MAPK12: variants seen among roughly 807,000 people sequenced by gnomAD.
MAPK12 encodes the protein MAP kinase 12.
A neutral mutation model predicts 49.1 loss-of-function variants in MAPK12; 49 were observed. The ratio of observed to expected loss-of-function variants is 1.00; its 90% CI spans 0.79 to 1.27. The LOEUF is 1.27. Among genes scored for constraint, MAPK12 ranks in the 50% most tolerant of loss-of-function variants. The pLI is 0.00. For missense variants in MAPK12, 554 were observed against 502.4 expected, an observed-to-expected ratio of 1.10 and a Z score of -0.98; for synonymous variants, 251 against 209.7, an observed-to-expected ratio of 1.20 and a Z score of -1.70.
intron 5 of MAPK12, 48 bp downstream of exon 5, chr22:50,256,887 G>C (rs1429611399): frequency 1.3e-6 from 2 of 1,593,864 alleles, no homozygotes; most frequent in Admixed American, 1.7e-5. Context: ...GAGGCGGGGG[G>C]ATTGCACTGG....
At chr22:50,257,860 C>A (rs1386939659) in intron 3 of MAPK12, 1 of 746,658 alleles carries the variant, frequency 1.3e-6, no homozygotes, top group Non-Finnish European at 2.5e-6. Flanking sequence ...TCCTCCCTAC[C>A]GCTTCTCCCC....
intron 2 of MAPK12, among the ~76,000 whole-genome samples, chr22:50,258,794 C>G (rs1294048059): frequency 1.3e-5 from 2 of 152,230 alleles, no homozygotes; most frequent in African/African-American, 2.4e-5. Context: ...GGTCATGTGA[C>G]AACTGCCGCC....
At chr22:50,260,183 C>T (rs1243347996) in intron 2 of MAPK12, among the ~76,000 whole-genome samples, 2 of 151,812 alleles carry the variant, frequency 1.3e-5, no homozygotes, top group East Asian at 1.9e-4. Flanking sequence ...GAAAAAGACC[C>T]ATCCAAGGGG....
At position 50,255,288 on chromosome 22, in the gene MAPK12, G is replaced by A. The variant is rs1240740383; in HGVS notation, c.933C>T (p.Phe311=). ...CATCTTCCGTGTCGTGCAGGGACTC[G>A]AAGTAGGGATGGGCCAGCGCCTCGC... ...TAGEALAHPY[F]ESLHDTEDEP... Residue 311 remains phenylalanine, a synonymous_variant, in exon 11 of 12, where the codon TTC becomes TTT. Coordinates refer to ENST00000215659, the MANE Select transcript of MAPK12 (RefSeq NM_002969.6). 1.9e-5 allele frequency: 31 copies of A among 1,613,600 alleles called. No individual in the cohort carries two copies. Among genetic ancestry groups the A allele is most frequent in the African/African-American group, 8.0e-5 (6 of 74,920 alleles).
intron 9 of MAPK12, 37 bp downstream of exon 9, chr22:50,255,578 G>GGGCCCCCCCCCCCCCCCCGCCCCCCCCCC: frequency 6.3e-7 from 1 of 1,582,032 alleles, no homozygotes; most frequent in African/African-American, 1.4e-5. Context: ...GCCCAGGTCC[G>GGGCCCCCCCCCCCCCCCCGCCCCCCCCCC]CCCCCACCCC....
At chr22:50,258,967 G>C (rs941231994) in intron 2 of MAPK12, among the ~76,000 whole-genome samples, 3 of 152,216 alleles carry the variant, frequency 2.0e-5, no homozygotes, top group Non-Finnish European at 4.4e-5. Context: ...ATACAGGGAG[G>C]GAGGCCAGGT....
At chr22:50,259,690 C>G (rs974747857) in intron 2 of MAPK12, among the ~76,000 whole-genome samples, 13 of 152,048 alleles carry the variant, frequency 8.5e-5, no homozygotes, top group African/African-American at 3.1e-4. Context: ...CGAGACCAGT[C>G]TGCCCAACAT....
chr22:50,256,328 G>A (rs2065150216), intron 6 of MAPK12, 129 bp from the exon 7 acceptor site: 2 of 765,940 alleles, frequency 2.6e-6, no homozygotes, highest in Non-Finnish European at 4.2e-6. Context: ...AACCTTCAAG[G>A]ACTTGAGGCC....
In MAPK12 at chr22:50,258,370, C is replaced by A. The variant is rs371500937; in HGVS notation, c.256-69G>T. On this transcript the variant is annotated intron_variant, in intron 2 of 11. Transcript: ENST00000215659. ...GCTGGGGCACCCCCCAAGAGTGGCA[C>A]AACCCTCTGGGCAGGAAACCCCCTC... is the stretch of plus-strand genomic sequence containing the variant. 448 of 1,352,246 alleles carry A rather than the reference C, an allele frequency of 3.3e-4. 4 individuals are homozygous for A. In the South Asian group the frequency reaches 3.8e-3, roughly 11 times the overall value. The allele number at this position is 1,352,246 out of a possible 1,614,324, so 83.8% of individuals were successfully genotyped here.
chr22:50,256,456 G>T, intron 6 of MAPK12, 143 bp downstream of exon 6: 1 of 1,107,048 alleles, frequency 9.0e-7, no homozygotes, highest in Non-Finnish European at 1.3e-6. Flanking sequence ...ACTGCCTCTT[G>T]GGCTCACCCA....
At chr22:50,257,634 G>C in intron 3 of MAPK12, 1 of 575,800 alleles carries the variant, frequency 1.7e-6, no homozygotes, top group Non-Finnish European at 3.1e-6. Flanking sequence ...TGGGGGCGCG[G>C]CAAGGCATCT....
rs773494776 is a variant in MAPK12, at chr22:50,258,208, C to G, written c.314+35G>C. On this transcript the variant is annotated intron_variant, in intron 3 of 11. Coordinates refer to ENST00000215659, the MANE Select transcript of MAPK12 (RefSeq NM_002969.6). ...CAGTGCCCAGAGCTGCCCAACACCC[C>G]TCGTGCCCAGCGGCCAGCCCAGGTC... The G allele has an allele frequency of 2.5e-6, 4 of 1,609,362 alleles. No individual in the cohort carries two copies. In the Admixed American group the frequency reaches 5.0e-5, roughly 20 times the overall value.
In MAPK12 at chr22:50,255,151, C is replaced by T. The variant is rs1227494811; in HGVS notation, c.1024+46G>A. 13 of 1,608,642 alleles carry T rather than the reference C, an allele frequency of 8.1e-6. No homozygotes were observed. The Admixed American group carries it at 1.5e-4, about 19-fold the overall frequency. ...GGTCCACACAGGCCCTGCCCAGAGC[C>T]CCCCACTTGGGTCCACACAGGCCGT... On this transcript the variant is annotated intron_variant, in intron 11 of 11. Transcript: ENST00000215659.
In MAPK12 at chr22:50,255,669, C is replaced by T; in HGVS notation, c.717G>A (p.Met239Ile). 1 of 1,609,002 alleles carries T rather than the reference C, an allele frequency of 6.2e-7. No homozygotes were observed. Among genetic ancestry groups the T allele is most frequent in the Non-Finnish European group, 8.5e-7 (1 of 1,178,954 alleles). The change falls in exon 9 of 12, where the codon ATG becomes ATA. Residue 239 changes from methionine (M) to isoleucine (I), a missense_variant. Met to Ile is a conservative substitution (Grantham distance 10). Transcript: ENST00000215659. ...SDHLDQLKEIMKVTGTPPAEF... is the reference protein window; with the variant it reads ...SDHLDQLKEIIKVTGTPPAEF... ...CAGCCGGAGGCGTCCCCGTCACCTTCATGATCTCCTTCAGCTGGTCCAGGT... is the reference window on the plus strand; with the variant it reads ...CAGCCGGAGGCGTCCCCGTCACCTTTATGATCTCCTTCAGCTGGTCCAGGT...
chr22:50,256,483 C>T, intron 6 of MAPK12, 116 bp downstream of exon 6: 1 of 1,363,292 alleles, frequency 7.3e-7, no homozygotes, highest in African/African-American at 1.5e-5. Context: ...AGCTCCTCAG[C>T]CACTGCCCAG....
intron 11 of MAPK12, 22 bp from the exon 12 acceptor site, chr22:50,253,502 G>GGGGGGGGGGGGGCCCCCCCC: frequency 5.8e-6 from 1 of 171,678 alleles, no homozygotes; most frequent in Non-Finnish European, 1.1e-5. Context: ...GGGGGGGCGG[G>GGGGGGGGGGGGGCCCCCCCC]CACAACAGAG....
In MAPK12 at chr22:50,256,187, C is replaced by A. The variant is rs368240751; in HGVS notation, c.517G>T (p.Gly173Cys). The A allele has an allele frequency of 2.5e-6, 4 of 1,611,834 alleles. No individual in the cohort carries two copies. The highest frequency in any genetic ancestry group is 3.4e-6 in the Non-Finnish European group (4 of 1,179,308). Residue 173 changes from glycine to cysteine, a missense_variant, in exon 7 of 12, where the codon GGC (glycine) becomes TGC (cysteine). Physicochemically the swap from Gly to Cys is radical, Grantham distance 159 (BLOSUM62 -3). Transcript: ENST00000215659. ...TCACTGTCTGCCTGCCTGGCCAGGC[C>A]GAAGTCCAGGATCTGTGGGAAGAAT... ...EDCELKILDF[G>C]LARQADSEMT... is the part of the protein sequence containing the mutation.
At chr22:50,255,414 A>T in intron 10 of MAPK12, 39 bp downstream of exon 10, 3 of 1,612,416 alleles carry the variant, frequency 1.9e-6, no homozygotes, top group Non-Finnish European at 2.5e-6. Flanking sequence ...GAGGCCCCAC[A>T]CTCCAGCACC....
rs1311160607 is a variant in MAPK12, at chr22:50,258,486, A to G, written c.256-185T>C. ...AGCCCTGGCACACATACCCACTGGC[A>G]GTGTGGCCCAGCCCTGGCACACATA... On this transcript the variant is annotated intron_variant, in intron 2 of 11. Coordinates refer to ENST00000215659, the MANE Select transcript of MAPK12 (RefSeq NM_002969.6). 1.3e-5 allele frequency among the ~76,000 whole-genome samples: 2 copies of G among 152,254 alleles called. 1 individual carries two copies. Among genetic ancestry groups the G allele is most frequent in the East Asian group, 3.8e-4 (2 of 5,200 alleles).
Sources: allele counts gnomAD v4.1 joint callset (sites outside exome capture counted in the v4.1 genomes callset), GRCh38; gene constraint gnomAD v4.1.1; transcripts MANE v1.5; gene names NCBI Gene and HGNC (gene_info 2026-07-23, HGNC 2026-07-21).